The following PVT1 variants were observed in gnomAD, a reference collection of about 807,000 sequenced individuals.
PVT1 encodes CXCR4/PVT1 fusion.
rs77618589 is a variant in PVT1 at position 128,053,927 on chromosome 8, A to G, written n.913-16233A>G. Among the ~76,000 whole-genome samples, 938 of 152,318 alleles carry G rather than the reference A, an allele frequency of 6.2e-3. 2 individuals are homozygous for G. The highest frequency in any genetic ancestry group is 0.014 in the Middle Eastern group (4 of 294). On this transcript the variant is annotated intron_variant and non_coding_transcript_variant, in intron 4 of 10. Transcript: ENST00000651587. ...GGGCCCTCTGATCTTCCTGCATACA[A>G]TGGATTGCAGGGAAAAAGAAACTTC...
intron 2 of PVT1, among the ~76,000 whole-genome samples, chr8:127,825,990 A>G (rs1297844208): frequency 1.4e-5 from 2 of 147,526 alleles, no homozygotes; most frequent in Non-Finnish European, 3.0e-5. Context: ...TGCTGGGACT[A>G]CAGGAGTGTG....
intron 4 of PVT1, among the ~76,000 whole-genome samples, chr8:128,061,368 A>C (rs1813828438): frequency 1.3e-5 from 2 of 152,174 alleles, no homozygotes; most frequent in Non-Finnish European, 2.9e-5. Flanking sequence ...CATTGTGTGA[A>C]TATATGCCCC....
At chr8:127,935,636 C>T (rs1440508390) in intron 3 of PVT1, among the ~76,000 whole-genome samples, 2 of 151,982 alleles carry the variant, frequency 1.3e-5, no homozygotes, top group Admixed American at 6.6e-5. Flanking sequence ...ATGCGTGGCC[C>T]GATGGCACAG....
intron 5 of PVT1, among the ~76,000 whole-genome samples, chr8:128,092,016 T>C (rs949416772): frequency 2.0e-5 from 3 of 152,186 alleles, no homozygotes; most frequent in African/African-American, 4.8e-5. Context: ...ACAACCGGAC[T>C]GAGCTCTCCC....
intron 3 of PVT1, among the ~76,000 whole-genome samples, chr8:127,891,902 G>A (rs1217847315): frequency 2.6e-5 from 4 of 152,220 alleles, no homozygotes; most frequent in Non-Finnish European, 2.9e-5. Context: ...GGCCACAAAG[G>A]CCTGTTGCAG....
At chr8:128,061,731 T>C (rs2608054) in intron 4 of PVT1, among the ~76,000 whole-genome samples, 53,509 of 152,028 alleles carry the variant, frequency 0.35, 10,688 homozygotes, top group East Asian at 0.64. Flanking sequence ...TCTGGGACGA[T>C]GGCAGAGGAA....
At chr8:127,879,876 C>A (rs1586419220) in intron 2 of PVT1, among the ~76,000 whole-genome samples, 1 of 152,360 alleles carries the variant, frequency 6.6e-6, no homozygotes, top group South Asian at 2.1e-4. Flanking sequence ...GCACCCTTCT[C>A]ATGGAGATTT....
chr8:127,868,301 C>A (rs1157430867), intron 2 of PVT1, among the ~76,000 whole-genome samples: 1 of 152,106 alleles, frequency 6.6e-6, no homozygotes, highest in East Asian at 1.9e-4. Context: ...AGTTCCACCA[C>A]CCAGAAATGA....
intron 4 of PVT1, among the ~76,000 whole-genome samples, chr8:128,035,430 C>T (rs1325173013): frequency 6.6e-6 from 1 of 152,216 alleles, no homozygotes; most frequent in Non-Finnish European, 1.5e-5. Context: ...TCTGCTCTCA[C>T]ACTTTGTGGG....
chr8:127,836,271 G>A (rs984855141), intron 2 of PVT1, among the ~76,000 whole-genome samples: 2 of 152,098 alleles, frequency 1.3e-5, no homozygotes, highest in Admixed American at 1.3e-4. Context: ...TCAGTGGGTG[G>A]TTCATACATA....
At chr8:127,997,874 T>G (rs1817125624) in intron 4 of PVT1, among the ~76,000 whole-genome samples, 3 of 152,264 alleles carry the variant, frequency 2.0e-5, no homozygotes, top group Non-Finnish European at 4.4e-5. Context: ...CCCTGGGCTG[T>G]GCCGCTTTCT....
rs942390935 is a variant in PVT1, at chr8:127,840,515, C to T, written n.372+44444C>T. On this transcript the variant is annotated intron_variant and non_coding_transcript_variant, in intron 2 of 10. Transcript: ENST00000651587. ...GTTCCAGTGGAAAACTTTTACAGGC[C>T]GTCCTGGGCAAGGCTTGAATCCTGT... Among the ~76,000 whole-genome samples, 10 of 152,202 alleles carry T rather than the reference C, an allele frequency of 6.6e-5. No individual in the cohort carries two copies. The East Asian group carries it at 7.7e-4, about 12-fold the overall frequency.
chr8:127,991,622 C>G (rs1817042580), intron 4 of PVT1, among the ~76,000 whole-genome samples: 1 of 152,086 alleles, frequency 6.6e-6, no homozygotes, highest in Admixed American at 6.5e-5. Context: ...AAGCCAGAAG[C>G]TTGGCAGGTC....
At chr8:127,897,163 G>A (rs1815689686) in intron 3 of PVT1, among the ~76,000 whole-genome samples, 1 of 152,186 alleles carries the variant, frequency 6.6e-6, no homozygotes. Flanking sequence ...CGTTACCCCT[G>A]AGCGAGTTTG....
chr8:128,094,981 C>T (rs1814408441), intron 5 of PVT1, among the ~76,000 whole-genome samples: 1 of 152,184 alleles, frequency 6.6e-6, no homozygotes. Flanking sequence ...GCATGACCAG[C>T]CCCGGAGAGC....
intron 3 of PVT1, chr8:127,939,526 GC>G (rs1169522480): frequency 1.3e-5 from 2 of 152,386 alleles, no homozygotes; most frequent in Non-Finnish European, 2.9e-5. Flanking sequence ...ACTCCCTGGA[GC>G]CTTCTCCCGA....
intron 3 of PVT1, chr8:127,947,828 C>G (rs1016988158): frequency 2.2e-6 from 1 of 456,378 alleles, no homozygotes; most frequent in African/African-American, 2.0e-5. Flanking sequence ...AAGAAAAGCT[C>G]ACATTTATTA....
intron 4 of PVT1, among the ~76,000 whole-genome samples, chr8:128,015,071 ATTT>A (rs1252969149): frequency 6.7e-6 from 1 of 150,252 alleles, no homozygotes; most frequent in African/African-American, 2.5e-5. Context: ...TTATTTATTT[ATTT>A]ATTTATTTAT....
At chr8:127,842,004 G>A (rs1329241488) in intron 2 of PVT1, among the ~76,000 whole-genome samples, 3 of 151,876 alleles carry the variant, frequency 2.0e-5, no homozygotes, top group Admixed American at 6.6e-5. Flanking sequence ...GATTACAGGC[G>A]TGAGCCACTG....
Sources: gnomAD v4.1 joint callset for allele counts (sites outside exome capture counted in the v4.1 genomes callset) on GRCh38, gnomAD v4.1.1 for gene constraint, MANE v1.5 for transcripts, NCBI Gene and HGNC (gene_info 2026-07-23, HGNC 2026-07-21) for gene names.